Variants in GATA4 observed in about 807,000 individuals in gnomAD.
GATA4 encodes GATA binding protein 4.
A neutral mutation model predicts 37.9 loss-of-function variants in GATA4; 7 were observed. The observed-to-expected ratio is 0.18, with a 90% CI of 0.11 to 0.35. The LOEUF is 0.35. Among genes scored for constraint, GATA4 ranks in the 10% least tolerant of loss-of-function variants. The pLI is 1.00. For synonymous variants in GATA4, 372 were observed against 292.6 expected (o/e 1.27, Z -2.77); for missense variants, 647 against 653.0 (o/e 0.99, Z 0.10).
chr8:11,703,177 TAAAA>T (rs67213838), upstream of GATA4, among the ~76,000 whole-genome samples: 4 of 144,598 alleles, frequency 2.8e-5, no homozygotes, highest in African/African-American at 1.0e-4. Context: ...AACGCGGCCT[TAAAA>T]AAAAAAAAAA....
intron 5 of GATA4, among the ~76,000 whole-genome samples, chr8:11,755,424 G>C (rs1226062047): frequency 6.6e-6 from 1 of 152,240 alleles, no homozygotes; most frequent in Non-Finnish European, 1.5e-5. Flanking sequence ...GCAGGAAAGA[G>C]GAACTTTACT....
chr8:11,715,043 T>C (rs1284927899), intron 2 of GATA4, among the ~76,000 whole-genome samples: 1 of 152,206 alleles, frequency 6.6e-6, no homozygotes, highest in African/African-American at 2.4e-5. Flanking sequence ...TGTGCATCCT[T>C]AGGGGAATGT....
intron 1 of GATA4, among the ~76,000 whole-genome samples, chr8:11,677,474 G>A (rs1332356630): frequency 7.9e-5 from 12 of 152,156 alleles, no homozygotes; most frequent in Admixed American, 7.2e-4. Flanking sequence ...GAAATCAAAT[G>A]GATCTGACCA....
At chr8:11,736,633 G>A (rs1801472183) in intron 2 of GATA4, among the ~76,000 whole-genome samples, 1 of 152,258 alleles carries the variant, frequency 6.6e-6, no homozygotes, top group Non-Finnish European at 1.5e-5. Context: ...GTGGTGGGCA[G>A]AAGGCGGAGC....
chr8:11,709,619 G>A lies in GATA4; in HGVS notation c.616+691G>A, dbSNP rs1442806449. On this transcript the variant is annotated intron_variant, in intron 2 of 6. Transcript: ENST00000532059. The surrounding 1 kb of genome is among the most constrained non-coding windows in gnomAD (Gnocchi z 4.3). The stretch of plus-strand genomic sequence containing the variant: ...GCCCGGTCAGTGTCCGGGAACATAG[G>A]GACCTCAAACGCGCTTGTTCATGAC... Among the ~76,000 whole-genome samples the A allele has an allele frequency of 6.6e-6, 1 of 151,824 alleles. No homozygotes were observed. The highest frequency in any genetic ancestry group is 2.4e-5 in the African/African-American group (1 of 41,396).
intron 2 of GATA4, among the ~76,000 whole-genome samples, chr8:11,744,068 T>A (rs1488507425): frequency 6.6e-6 from 1 of 152,312 alleles, no homozygotes; most frequent in South Asian, 2.1e-4. Flanking sequence ...GTCAGTTGGT[T>A]CCTGGCTTGC....
chr8:11,708,834 C>CGCA lies in GATA4; in HGVS notation c.525_527dup (p.Ala179dup), dbSNP rs1297855817. The CGCA allele has an allele frequency of 2.0e-6, 3 of 1,495,456 alleles. No individual in the cohort carries two copies. Among genetic ancestry groups the CGCA allele is most frequent in the East Asian group, 2.7e-5 (1 of 36,390 alleles). 92.6% of individuals were successfully genotyped at this position (1,495,456 alleles called of 1,614,324 possible). A position where few individuals can be genotyped will look rare whatever the true frequency, so the allele number is the denominator to read the frequency against. ...TGGCCGACGTGGGCGCGTCCTGGGC[C>CGCA]GCAGCCGCCGCCGCCTCCGCCGGCC... On this transcript the variant is annotated inframe_insertion, in exon 2 of 7. Transcript: ENST00000532059. This position sits in a 1 kb window ranked among gnomAD's most constrained non-coding sequence, Gnocchi z 6.7.
At chr8:11,692,741 C>A (rs1799358186) in intron 1 of GATA4, 1 of 983,418 alleles carries the variant, frequency 1.0e-6, no homozygotes, top group Non-Finnish European at 1.2e-6. Context: ...CCGGGACCCA[C>A]GCGAGGGCGC....
chr8:11,713,338 A>G (rs760114837), intron 2 of GATA4, among the ~76,000 whole-genome samples: 3 of 152,200 alleles, frequency 2.0e-5, no homozygotes, highest in African/African-American at 7.2e-5. Context: ...GAGGGCAGGT[A>G]CAGAGTCTTA....
chr8:11,726,877 A>G (rs1439875092), intron 2 of GATA4, among the ~76,000 whole-genome samples: 1 of 152,110 alleles, frequency 6.6e-6, no homozygotes, highest in Non-Finnish European at 1.5e-5. Context: ...CCTGGAGCAG[A>G]TGACTCACAA....
At chr8:11,689,785 C>T (rs1799253130), upstream of GATA4, among the ~76,000 whole-genome samples, 1 of 152,202 alleles carries the variant, frequency 6.6e-6, no homozygotes, top group South Asian at 2.1e-4. Context: ...CTAGGCTCTG[C>T]CCGAGAGCCC....
chr8:11,723,340 TA>T (rs1253156381), intron 2 of GATA4, among the ~76,000 whole-genome samples: 179 of 142,798 alleles, frequency 1.3e-3, no homozygotes, highest in Non-Finnish European at 1.2e-3. Flanking sequence ...GACCCTGTGT[TA>T]AAAAAAAAAA....
intron 4 of GATA4, among the ~76,000 whole-genome samples, chr8:11,753,835 A>C (rs1156872331): frequency 2.6e-5 from 4 of 152,224 alleles, no homozygotes; most frequent in Non-Finnish European, 5.9e-5. Flanking sequence ...GGCCTTTATC[A>C]ATCCCACATG....
At chr8:11,699,686 G>T (rs114969612), upstream of GATA4, among the ~76,000 whole-genome samples, 2,986 of 152,332 alleles carry the variant, frequency 0.02, 87 homozygotes, top group South Asian at 0.089. Flanking sequence ...ACTGGACCAG[G>T]CTTCAGTCCT....
Position 11,748,900 on chromosome 8 carries a change from G to A in GATA4, c.617-16G>A. The A allele has an allele frequency of 6.2e-7, 1 of 1,614,114 alleles. No individual in the cohort carries two copies. The highest frequency in any genetic ancestry group is 8.5e-7 in the Non-Finnish European group (1 of 1,179,924). ...TAATCCTCTGTGTCTTTTCTTGTCT[G>A]TTCCCCCCAACTCAGTAGATATGTT... On this transcript the variant is annotated splice_polypyrimidine_tract_variant and intron_variant, in intron 2 of 6. Coordinates refer to ENST00000532059, the MANE Select transcript of GATA4 (RefSeq NM_001308093.3).
chr8:11,712,675 G>C lies in GATA4; in HGVS notation c.616+3747G>C, dbSNP rs117985384. Among the ~76,000 whole-genome samples the C allele has an allele frequency of 9.0e-3, 1,300 of 143,752 alleles. 9 individuals are homozygous for C. The highest frequency in any genetic ancestry group is 0.013 in the Non-Finnish European group (895 of 66,746). 94.3% of individuals were successfully genotyped at this position (143,752 alleles called of 152,430 possible). On this transcript the variant is annotated intron_variant, in intron 2 of 6. Coordinates refer to ENST00000532059, the MANE Select transcript of GATA4 (RefSeq NM_001308093.3). ...GTTTGAGACCAACCTGGACAACATAGTGAGACCACATCTCTAAAAAAAAAA... is the reference window on the plus strand; with the variant it reads ...GTTTGAGACCAACCTGGACAACATACTGAGACCACATCTCTAAAAAAAAAA...
chr8:11,699,713 G>T (rs1286733791), upstream of GATA4, among the ~76,000 whole-genome samples: 2 of 152,246 alleles, frequency 1.3e-5, no homozygotes, highest in Non-Finnish European at 2.9e-5. Context: ...AGCTACGCTG[G>T]ACCTGAAGAG....
intron 1 of GATA4, among the ~76,000 whole-genome samples, chr8:11,693,560 CACAGAGAGAGAGAG>C (rs1362577985): frequency 2.9e-5 from 2 of 68,920 alleles, no homozygotes; most frequent in African/African-American, 9.9e-5. Context: ...CACACACACA[CACAGAGAGAGAGAG>C]AGAGAGAGAG....
intron 4 of GATA4, among the ~76,000 whole-genome samples, chr8:11,753,844 T>C (rs17153747): frequency 0.094 from 14,251 of 152,244 alleles, 811 homozygotes; most frequent in Non-Finnish European, 0.12. Flanking sequence ...CAATCCCACA[T>C]GGTAGACAAG....
Sources: gnomAD v4.1 joint callset for allele counts (sites outside exome capture counted in the v4.1 genomes callset) on GRCh38, gnomAD v4.1.1 for gene constraint, Gnocchi (gnomAD v3.1) non-coding constraint, MANE v1.5 for transcripts, NCBI Gene and HGNC (gene_info 2026-07-23, HGNC 2026-07-21) for gene names.